BBX: variants seen among roughly 807,000 people sequenced by gnomAD.
BBX encodes BBX high mobility group box domain containing.
A neutral mutation model predicts 100.2 loss-of-function variants in BBX; 30 were observed. The ratio of observed to expected loss-of-function variants is 0.30; its 90% CI spans 0.22 to 0.41. The LOEUF (loss-of-function observed/expected upper bound fraction) is 0.41, where lower values mean the gene tolerates loss of function less well. Ranked by LOEUF, BBX falls within the 10% of genes least tolerant of loss-of-function variation. The pLI, the probability that BBX is intolerant of heterozygous loss-of-function variation, is 1.00. For synonymous variants in BBX, 376 were observed against 388.1 expected, an observed-to-expected ratio of 0.97 and a Z score of 0.37; for missense variants, 1,023 against 1,129.8, an observed-to-expected ratio of 0.91 and a Z score of 1.35.
chr3:107,802,246 T>C (rs1299108834), intron 17 of BBX, among the ~76,000 whole-genome samples: 1 of 152,270 alleles, frequency 6.6e-6, no homozygotes, highest in Non-Finnish European at 1.5e-5. Context: ...ATGCTCCTTT[T>C]TGACATCCAG....
chr3:107,779,903 T>C (rs1444766292), intron 13 of BBX, among the ~76,000 whole-genome samples: 1 of 152,096 alleles, frequency 6.6e-6, no homozygotes, highest in Admixed American at 6.6e-5. Flanking sequence ...CAGGGAGGTA[T>C]AGAAACGTCA....
intron 2 of BBX, among the ~76,000 whole-genome samples, chr3:107,544,969 A>T (rs1381811673): frequency 1.3e-5 from 2 of 152,042 alleles, no homozygotes; most frequent in Non-Finnish European, 2.9e-5. Context: ...ATGAGCCGAG[A>T]TCCGCCATTG....
chr3:107,546,655 A>G (rs2049261674), intron 2 of BBX, among the ~76,000 whole-genome samples: 1 of 152,234 alleles, frequency 6.6e-6, no homozygotes, highest in South Asian at 2.1e-4. Flanking sequence ...TTAAAAAGTT[A>G]CATTTTACTG....
rs540430052 is a variant in BBX, at chr3:107,523,131, C to T, written c.-156+24C>T. 8 of 160,352 alleles carry T rather than the reference C, an allele frequency of 5.0e-5. No homozygotes were observed. In the South Asian group the frequency reaches 9.7e-4, roughly 19 times the overall value. The allele number at this position is 160,352 out of a possible 1,614,324, so 9.9% of individuals were successfully genotyped here. On this transcript the variant is annotated intron_variant, in intron 1 of 17. Coordinates refer to ENST00000325805, the MANE Select transcript of BBX (RefSeq NM_001142568.3). ...AGGTAGGCGCCCCCCATCCCCAGCCCTCCCTGGGCGCACTCCCCTCACTTT... is the reference window on the plus strand; with the variant it reads ...AGGTAGGCGCCCCCCATCCCCAGCCTTCCCTGGGCGCACTCCCCTCACTTT...
At chr3:107,594,849 C>CTGTA (rs1400327857) in intron 2 of BBX, among the ~76,000 whole-genome samples, 1 of 152,000 alleles carries the variant, frequency 6.6e-6, no homozygotes, top group Non-Finnish European at 1.5e-5. Flanking sequence ...GCTAAGGATA[C>CTGTA]TGTCTTTTTT....
chr3:107,629,372 G>A (rs2056406149), intron 2 of BBX, among the ~76,000 whole-genome samples: 1 of 152,086 alleles, frequency 6.6e-6, no homozygotes, highest in Admixed American at 6.6e-5. Flanking sequence ...ATTTATATAG[G>A]GACAAAGATA....
In BBX at chr3:107,591,147, C is replaced by T. The variant is rs145504182; in HGVS notation, c.-83-54689C>T. 6.8e-3 allele frequency among the ~76,000 whole-genome samples: 1,037 copies of T among 152,298 alleles called. 15 individuals carry two copies. The highest frequency in any genetic ancestry group is 0.023 in the African/African-American group (958 of 41,564). On this transcript the variant is annotated intron_variant, in intron 2 of 17. Coordinates refer to ENST00000325805, the MANE Select transcript of BBX (RefSeq NM_001142568.3). Reference sequence around the variant, plus strand: ...TAGTATAATAGATTAAGCAGAGAAACACATCATTCCTTTTCAAGGTTCATA... The same window carrying T: ...TAGTATAATAGATTAAGCAGAGAAATACATCATTCCTTTTCAAGGTTCATA...
At chr3:107,562,393 G>A (rs1363188573) in intron 2 of BBX, among the ~76,000 whole-genome samples, 1 of 152,046 alleles carries the variant, frequency 6.6e-6, no homozygotes, top group African/African-American at 2.4e-5. Flanking sequence ...TTCTTTAGAG[G>A]CTGAGTCATT....
At chr3:107,766,184 CT>C (rs1242094824) in intron 10 of BBX, among the ~76,000 whole-genome samples, 2 of 152,194 alleles carry the variant, frequency 1.3e-5, no homozygotes, top group Non-Finnish European at 2.9e-5. Context: ...GAATGTCTGT[CT>C]GTCTCTCCAC....
At chr3:107,669,022 A>G (rs2058891107) in intron 3 of BBX, among the ~76,000 whole-genome samples, 1 of 152,134 alleles carries the variant, frequency 6.6e-6, no homozygotes. Flanking sequence ...TGAACCGTGG[A>G]CAATGTTAAC....
chr3:107,682,705 C>T (rs1352195272), intron 3 of BBX, among the ~76,000 whole-genome samples: 1 of 152,098 alleles, frequency 6.6e-6, no homozygotes, highest in Non-Finnish European at 1.5e-5. Flanking sequence ...CAAGTAAATG[C>T]TTCACTTCTA....
intron 2 of BBX, among the ~76,000 whole-genome samples, chr3:107,643,870 G>T (rs1285600346): frequency 6.6e-6 from 1 of 152,088 alleles, no homozygotes; most frequent in Non-Finnish European, 1.5e-5. Flanking sequence ...GAACTCAAAG[G>T]CCTGTGATAG....
rs374665546 is a variant in BBX, at chr3:107,598,927, C to T, written c.-83-46909C>T. Among the ~76,000 whole-genome samples, 4 of 152,196 alleles carry T rather than the reference C, an allele frequency of 2.6e-5. No individual in the cohort carries two copies. The East Asian group carries it at 5.8e-4, about 22-fold the overall frequency. On this transcript the variant is annotated intron_variant, in intron 2 of 17. Transcript: ENST00000325805. ...TTACCCGCTGGCAGACACTTTCTGC[C>T]CCACAATAGGACCCAGCTAGGCAAG...
intron 2 of BBX, among the ~76,000 whole-genome samples, chr3:107,605,078 A>G (rs971670918): frequency 6.6e-6 from 1 of 152,218 alleles, no homozygotes; most frequent in Admixed American, 6.5e-5. Context: ...CAATCAAAAT[A>G]CATGATAACC....
Position 107,527,183 on chromosome 3 carries a change from G to A in BBX, c.-84+785G>A, listed in dbSNP as rs1213586557. On this transcript the variant is annotated intron_variant, in intron 2 of 17. Coordinates refer to ENST00000325805, the MANE Select transcript of BBX (RefSeq NM_001142568.3). ...ACAGAGCATTTGAAAGCAGCACAGT[G>A]AGCCTAATCTGCAGAAAACCACCTT... is the stretch of plus-strand genomic sequence containing the variant. 2.0e-5 allele frequency among the ~76,000 whole-genome samples: 3 copies of A among 152,176 alleles called. No individual in the cohort carries two copies. In the East Asian group the frequency reaches 5.8e-4, roughly 29 times the overall value.
chr3:107,761,810 C>A, intron 10 of BBX, among the ~76,000 whole-genome samples: 1 of 152,264 alleles, frequency 6.6e-6, no homozygotes, highest in East Asian at 1.9e-4. Context: ...AGAGCACAGA[C>A]GACAGAGGCA....
chr3:107,626,418 A>G (rs1170005800), intron 2 of BBX, among the ~76,000 whole-genome samples: 1 of 152,230 alleles, frequency 6.6e-6, no homozygotes, highest in Non-Finnish European at 1.5e-5. Flanking sequence ...AACAATGAAC[A>G]TTCATTCTCT....
intron 9 of BBX, 118 bp from the exon 10 acceptor site, chr3:107,755,480 G>A: frequency 2.6e-6 from 2 of 768,186 alleles, no homozygotes; most frequent in South Asian, 3.5e-5. Context: ...TTTGTTACTT[G>A]GTACATGGGA....
chr3:107,681,768 C>A (rs956863153), intron 3 of BBX, among the ~76,000 whole-genome samples: 5 of 152,082 alleles, frequency 3.3e-5, no homozygotes, highest in Non-Finnish European at 7.4e-5. Context: ...GATTTCCACA[C>A]TTACTATTTT....
Sources: allele counts gnomAD v4.1 joint callset (sites outside exome capture counted in the v4.1 genomes callset), GRCh38; gene constraint gnomAD v4.1.1; transcripts MANE v1.5; gene names NCBI Gene and HGNC (gene_info 2026-07-23, HGNC 2026-07-21).